Variants in TRPM3 observed in about 807,000 individuals in gnomAD.
TRPM3 encodes long transient receptor potential channel 3.
TRPM3 carries 77 observed loss-of-function variants against 181.2 expected under a neutral mutation model. The observed-to-expected ratio is 0.42, with a 90% CI of 0.35 to 0.51. The LOEUF (loss-of-function observed/expected upper bound fraction) is 0.51. Ranked by LOEUF, TRPM3 falls within the 20% of genes least tolerant of loss-of-function variation. TRPM3 has a pLI of 0.01. For missense variants in TRPM3, 1,759 were observed against 2,196.7 expected (o/e 0.80, Z 3.98); for synonymous variants, 745 against 796.4 (o/e 0.94, Z 1.09).
At chr9:71,009,506 T>G (rs191891847) in intron 1 of TRPM3, among the ~76,000 whole-genome samples, 1 of 151,994 alleles carries the variant, frequency 6.6e-6, no homozygotes, top group Non-Finnish European at 1.5e-5. Context: ...CTACAAAAGA[T>G]ACCTATGAAT....
intron 1 of TRPM3, among the ~76,000 whole-genome samples, chr9:71,271,569 T>C (rs1157584890): frequency 6.6e-6 from 1 of 151,508 alleles, no homozygotes; most frequent in African/African-American, 2.4e-5. Flanking sequence ...GAAACATTTC[T>C]ACCCAGCAGA....
chr9:71,179,551 G>A (rs2077282257), intron 1 of TRPM3, among the ~76,000 whole-genome samples: 1 of 152,112 alleles, frequency 6.6e-6, no homozygotes, highest in African/African-American at 2.4e-5. Flanking sequence ...GGACAGTTTA[G>A]ATAATTCTGA....
chr9:71,288,012 T>C (rs1686223059), intron 1 of TRPM3, among the ~76,000 whole-genome samples: 1 of 152,104 alleles, frequency 6.6e-6, no homozygotes, highest in Non-Finnish European at 1.5e-5. Context: ...CTACCCCTTA[T>C]CAATTTAGAA....
At chr9:70,993,909 G>C (rs1231599731) in intron 1 of TRPM3, among the ~76,000 whole-genome samples, 1 of 151,918 alleles carries the variant, frequency 6.6e-6, no homozygotes, top group East Asian at 1.9e-4. Flanking sequence ...TCTCCTGGGG[G>C]GAAAACAGGC....
intron 1 of TRPM3, among the ~76,000 whole-genome samples, chr9:71,095,042 C>T (rs768983866): frequency 5.3e-5 from 8 of 152,140 alleles, no homozygotes; most frequent in Non-Finnish European, 1.2e-4. Flanking sequence ...TTCAGAAGAG[C>T]AGCCATATCA....
chr9:70,648,844 C>A (rs1422866299), intron 9 of TRPM3, among the ~76,000 whole-genome samples: 2 of 152,102 alleles, frequency 1.3e-5, no homozygotes, highest in African/African-American at 4.8e-5. Flanking sequence ...AAAATCAACT[C>A]AAGATGGATT....
At chr9:70,623,365 CAAAA>C (rs34432876) in intron 14 of TRPM3, among the ~76,000 whole-genome samples, 8 of 112,810 alleles carry the variant, frequency 7.1e-5, no homozygotes, top group Admixed American at 9.2e-5. Context: ...GACTGCGTCT[CAAAA>C]AAAAAAAAAA....
In TRPM3 at chr9:71,168,585, ATT is replaced by A. The variant is rs1220995079; in HGVS notation, c.183+278066_183+278067del. On this transcript the variant is annotated intron_variant, in intron 1 of 24. Transcript: ENST00000357533. Reference sequence around the variant, plus strand: ...ATTTATTTATTTATTTTTGTTTTTTATTTTTTTATTTTTATTTTTATTTATTT... The same window carrying A: ...ATTTATTTATTTATTTTTGTTTTTTATTTTTATTTTTATTTTTATTTATTT... Among the ~76,000 whole-genome samples, 45 of 35,020 alleles carry A rather than the reference ATT, an allele frequency of 1.3e-3. 1 individual carries two copies. The South Asian group carries it at 0.024, about 19-fold the overall frequency. 23.0% of individuals were successfully genotyped at this position (35,020 alleles called of 152,430 possible). A position where few individuals can be genotyped will look rare whatever the true frequency, so the allele number is the denominator to read the frequency against.
chr9:71,395,530 T>C (rs1008561131), intron 1 of TRPM3, among the ~76,000 whole-genome samples: 3 of 152,180 alleles, frequency 2.0e-5, no homozygotes, highest in Non-Finnish European at 4.4e-5. Context: ...AGAGTTAACT[T>C]TAACTTCATG....
chr9:71,024,258 T>G (rs1195446606), intron 1 of TRPM3, among the ~76,000 whole-genome samples: 8 of 152,194 alleles, frequency 5.3e-5, no homozygotes. Context: ...TACATGTGTA[T>G]GTATATACAC....
At chr9:71,349,687 T>C (rs1203978082) in intron 1 of TRPM3, among the ~76,000 whole-genome samples, 1 of 152,190 alleles carries the variant, frequency 6.6e-6, no homozygotes, top group Admixed American at 6.5e-5. Context: ...CAAATGTCTT[T>C]TCTTTTGACC....
At chr9:71,440,069 G>C (rs113447057) in intron 1 of TRPM3, among the ~76,000 whole-genome samples, 14,563 of 152,154 alleles carry the variant, frequency 0.096, 933 homozygotes, top group African/African-American at 0.18. Flanking sequence ...CTTGCAGTGA[G>C]CCGAGATTGA....
intron 1 of TRPM3, among the ~76,000 whole-genome samples, chr9:71,330,330 G>C (rs900960200): frequency 3.3e-5 from 5 of 151,892 alleles, no homozygotes; most frequent in Admixed American, 3.3e-4. Flanking sequence ...TCAGTTCTGT[G>C]TAGGGCCTGC....
intron 1 of TRPM3, among the ~76,000 whole-genome samples, chr9:70,895,191 T>C (rs929980737): frequency 2.0e-5 from 3 of 152,202 alleles, no homozygotes; most frequent in Non-Finnish European, 4.4e-5. Context: ...CAGGCAGCGC[T>C]GCATTTTCTT....
intron 1 of TRPM3, among the ~76,000 whole-genome samples, chr9:70,874,046 TTA>T: frequency 6.6e-6 from 1 of 152,074 alleles, no homozygotes; most frequent in African/African-American, 2.4e-5. Context: ...TTAGGTTAGA[TTA>T]TGTTTTTATC....
At chr9:70,871,968 C>G (rs1166856424) in intron 1 of TRPM3, among the ~76,000 whole-genome samples, 1 of 152,064 alleles carries the variant, frequency 6.6e-6, no homozygotes, top group East Asian at 1.9e-4. Flanking sequence ...TTTCTACCAT[C>G]AGTAACGAGA....
intron 1 of TRPM3, among the ~76,000 whole-genome samples, chr9:71,230,899 T>C (rs1459412636): frequency 6.6e-6 from 1 of 152,178 alleles, no homozygotes; most frequent in Non-Finnish European, 1.5e-5. Flanking sequence ...TTCTGGGCTG[T>C]CTATCTTTCA....
At chr9:71,201,412 T>C (rs2078785511) in intron 1 of TRPM3, among the ~76,000 whole-genome samples, 1 of 152,222 alleles carries the variant, frequency 6.6e-6, no homozygotes. Context: ...TGAATCTGAA[T>C]GTTGGCCTAC....
intron 22 of TRPM3, among the ~76,000 whole-genome samples, chr9:70,578,464 T>C (rs2054663954): frequency 6.6e-6 from 1 of 152,236 alleles, no homozygotes; most frequent in Non-Finnish European, 1.5e-5. Flanking sequence ...AATGATAGCT[T>C]ATTATGTCCA....
Sources: gnomAD v4.1 joint callset for allele counts (sites outside exome capture counted in the v4.1 genomes callset) on GRCh38, gnomAD v4.1.1 for gene constraint, MANE v1.5 for transcripts, NCBI Gene and HGNC (gene_info 2026-07-23, HGNC 2026-07-21) for gene names.